Variants in ARHGEF18 observed in about 807,000 individuals in gnomAD.
The protein encoded by ARHGEF18 is Rho/Rac guanine nucleotide exchange factor 18, also known as rho guanine nucleotide exchange factor 18.
A neutral mutation model predicts 155.7 loss-of-function variants in ARHGEF18; 93 were observed. The ratio of observed to expected loss-of-function variants is 0.60; its 90% CI spans 0.50 to 0.71. The LOEUF (loss-of-function observed/expected upper bound fraction) is 0.71, where lower values mean the gene tolerates loss of function less well. ARHGEF18 is among the 30% of genes least tolerant of loss of function. The pLI is 0.00. For synonymous variants in ARHGEF18, 742 were observed against 753.1 expected, an observed-to-expected ratio of 0.99 and a Z score of 0.24; for missense variants, 1,593 against 1,816.1, an observed-to-expected ratio of 0.88 and a Z score of 2.23.
At chr19:7,428,772 GC>G (rs1973799282) in intron 10 of ARHGEF18, among the ~76,000 whole-genome samples, 1 of 152,144 alleles carries the variant, frequency 6.6e-6, no homozygotes, top group South Asian at 2.1e-4. Context: ...ACCTTTGGGT[GC>G]CCTCCCTGAT....
intron 1 of ARHGEF18, among the ~76,000 whole-genome samples, chr19:7,357,381 G>C (rs1214761962): frequency 6.6e-6 from 1 of 152,210 alleles, no homozygotes; most frequent in Non-Finnish European, 1.5e-5. Context: ...CCAGGCAGTT[G>C]AGGCTGGGAT....
chr19:7,426,831 G>A (rs1315534520), intron 10 of ARHGEF18, among the ~76,000 whole-genome samples: 1 of 152,162 alleles, frequency 6.6e-6, no homozygotes, highest in Non-Finnish European at 1.5e-5. Flanking sequence ...GAGGAAAAGT[G>A]GCGTCGATTG....
chr19:7,367,855 TAC>T (rs1969983916), intron 2 of ARHGEF18, among the ~76,000 whole-genome samples: 1 of 83,316 alleles, frequency 1.2e-5, no homozygotes, highest in Non-Finnish European at 2.2e-5. Flanking sequence ...TATATATATA[TAC>T]ACATATATAT....
At chr19:7,410,240 G>A (rs914050725) in intron 10 of ARHGEF18, among the ~76,000 whole-genome samples, 10 of 152,046 alleles carry the variant, frequency 6.6e-5, no homozygotes, top group South Asian at 2.1e-4. Flanking sequence ...CCTGCCTTCC[G>A]CCTGTGACTG....
rs1600531346 is a variant in ARHGEF18 at position 7,462,413 on chromosome 19, CT to C, written c.2635+80del. 11 of 1,435,342 alleles carry C rather than the reference CT, an allele frequency of 7.7e-6. No individual in the cohort carries two copies. The East Asian group carries it at 2.7e-4, about 35-fold the overall frequency. The allele number at this position is 1,435,342 out of a possible 1,614,324, so 88.9% of individuals were successfully genotyped here. A position where few individuals can be genotyped will look rare whatever the true frequency, so the allele number is the denominator to read the frequency against. ...AGGGAACCCCAGGCCAGGCTCACGG[CT>C]CATTGTGGCCGACACGGCACCCTGT... On this transcript the variant is annotated intron_variant, in intron 21 of 28. Transcript: ENST00000668164. This position sits in a 1 kb window ranked among gnomAD's most constrained non-coding sequence, Gnocchi z 4.4.
At position 7,462,143 on chromosome 19, in the gene ARHGEF18, ACT is replaced by A. The variant is rs1161966760; in HGVS notation, c.2453-6_2453-5del. The A allele has an allele frequency of 5.6e-6, 9 of 1,613,002 alleles. No individual in the cohort carries two copies. Among genetic ancestry groups the A allele is most frequent in the Non-Finnish European group, 7.6e-6 (9 of 1,179,806 alleles). ...CCGGCTGACTGCCACCTCCACCATC[ACT>A]CTGCAGAGCGGTTGAGCATGAAAGA... On this transcript the variant is annotated splice_polypyrimidine_tract_variant and splice_region_variant and intron_variant, in intron 20 of 28. Transcript: ENST00000668164. This position sits in a 1 kb window ranked among gnomAD's most constrained non-coding sequence, Gnocchi z 4.4.
chr19:7,359,940 A>G (rs1376635591), intron 1 of ARHGEF18, among the ~76,000 whole-genome samples: 1 of 152,144 alleles, frequency 6.6e-6, no homozygotes, highest in East Asian at 1.9e-4. Context: ...GGATCATATG[A>G]GACCAGGAGT....
At chr19:7,445,592 A>G (rs1483561063) in intron 14 of ARHGEF18, among the ~76,000 whole-genome samples, 1 of 152,092 alleles carries the variant, frequency 6.6e-6, no homozygotes, top group Non-Finnish European at 1.5e-5. Context: ...ATCCTGGGCC[A>G]ACTAATTAGA....
At position 7,440,507 on chromosome 19, in the gene ARHGEF18, C is replaced by A. The variant is rs780255449; in HGVS notation, c.1106+25C>A. The A allele has an allele frequency of 3.8e-6, 6 of 1,576,032 alleles. No homozygotes were observed. In the South Asian group the frequency reaches 6.8e-5, roughly 18 times the overall value. On this transcript the variant is annotated intron_variant, in intron 11 of 28. Coordinates refer to ENST00000668164, the MANE Select transcript of ARHGEF18 (RefSeq NM_001367823.1). The surrounding 1 kb of genome is among the most constrained non-coding windows in gnomAD (Gnocchi z 5.4). ...GGTAAGCCAGGGTCCCCTCTGTGCC[C>A]TCGGGTGGGTGGTGGCATTCCCCGG...
Position 7,458,667 on chromosome 19 carries a change from C to T in ARHGEF18, c.2337C>T (p.Ala779=). Residue 779 remains alanine (A), a synonymous_variant, in exon 19 of 29, where the codon GCC becomes GCT. Coordinates refer to ENST00000668164, the MANE Select transcript of ARHGEF18 (RefSeq NM_001367823.1). ...SSKEDRNAWM[A]HIQRAVESCP... The stretch of plus-strand genomic sequence containing the variant: ...AAGAGGACAGGAACGCCTGGATGGC[C>T]CACATCCAAAGGGCTGTGGAGAGGT... The T allele has an allele frequency of 6.2e-7, 1 of 1,613,754 alleles. No individual in the cohort carries two copies. Among genetic ancestry groups the T allele is most frequent in the Non-Finnish European group, 8.5e-7 (1 of 1,179,856 alleles).
chr19:7,407,488 T>C (rs957946052), intron 10 of ARHGEF18, among the ~76,000 whole-genome samples: 2 of 151,628 alleles, frequency 1.3e-5, no homozygotes, highest in Non-Finnish European at 2.9e-5. Context: ...GCTCCCAGCA[T>C]GGGCAATTTC....
intron 10 of ARHGEF18, among the ~76,000 whole-genome samples, chr19:7,423,533 C>G (rs1973479094): frequency 6.6e-6 from 1 of 151,970 alleles, no homozygotes; most frequent in Non-Finnish European, 1.5e-5. Context: ...AAATCCTTCT[C>G]TACTACAAGT....
chr19:7,389,900 G>C (rs75679021), intron 10 of ARHGEF18, among the ~76,000 whole-genome samples: 2,059 of 152,236 alleles, frequency 0.014, 39 homozygotes, highest in African/African-American at 0.046. Flanking sequence ...ATTTGAGTTT[G>C]TGTGAAAGAA....
At chr19:7,404,944 C>A (rs1972222262) in intron 10 of ARHGEF18, among the ~76,000 whole-genome samples, 1 of 150,558 alleles carries the variant, frequency 6.6e-6, no homozygotes, top group South Asian at 2.1e-4. Flanking sequence ...TTGTGTGCGA[C>A]AGACTCGGGT....
intron 20 of ARHGEF18, among the ~76,000 whole-genome samples, chr19:7,461,928 A>G (rs1483039618): frequency 1.3e-5 from 2 of 152,168 alleles, no homozygotes; most frequent in African/African-American, 4.8e-5. Flanking sequence ...CTGGGATCGC[A>G]GGCCTGAGCC....
At chr19:7,368,027 A>G (rs1970022710) in intron 2 of ARHGEF18, among the ~76,000 whole-genome samples, 2 of 138,976 alleles carry the variant, frequency 1.4e-5, no homozygotes, top group African/African-American at 5.3e-5. Context: ...GGGCGGAAGG[A>G]AGGAAGGAAG....
chr19:7,452,411 G>C (rs985166120), intron 16 of ARHGEF18, among the ~76,000 whole-genome samples: 2 of 152,202 alleles, frequency 1.3e-5, no homozygotes, highest in Admixed American at 6.5e-5. Flanking sequence ...CTTGGAGTGG[G>C]AAGAGCCAGA....
intron 3 of ARHGEF18, among the ~76,000 whole-genome samples, chr19:7,375,151 A>T (rs1336479201): frequency 6.6e-6 from 1 of 151,978 alleles, no homozygotes; most frequent in Non-Finnish European, 1.5e-5. Context: ...ACGTGCCTGT[A>T]ATCCCAGCTA....
intron 10 of ARHGEF18, among the ~76,000 whole-genome samples, chr19:7,417,024 C>T (rs537314505): frequency 6.6e-6 from 1 of 152,280 alleles, no homozygotes; most frequent in East Asian, 1.9e-4. Flanking sequence ...ATTCTCCTGC[C>T]TCAGCCTCCC....
Sources: gnomAD v4.1 joint callset for allele counts (sites outside exome capture counted in the v4.1 genomes callset) on GRCh38, gnomAD v4.1.1 for gene constraint, Gnocchi (gnomAD v3.1) non-coding constraint, MANE v1.5 for transcripts, NCBI Gene and HGNC (gene_info 2026-07-23, HGNC 2026-07-21) for gene names.